AKAP6: variants seen among roughly 807,000 people sequenced by gnomAD.
AKAP6 encodes the protein A-kinase anchor protein 6.
A neutral mutation model predicts 188.5 loss-of-function variants in AKAP6; 58 were observed. The ratio of observed to expected loss-of-function variants is 0.31; its 90% CI spans 0.25 to 0.38. AKAP6 has a LOEUF of 0.38. AKAP6 is among the 10% of genes least tolerant of loss of function. The pLI, the probability that AKAP6 is intolerant of heterozygous loss-of-function variation, is 1.00. For missense variants in AKAP6, 2,710 were observed against 2,740.0 expected (o/e 0.99, Z 0.24); for synonymous variants, 989 against 998.6 (o/e 0.99, Z 0.18).
intron 4 of AKAP6, among the ~76,000 whole-genome samples, chr14:32,569,208 AG>A (rs962320499): frequency 2.6e-5 from 4 of 152,104 alleles, no homozygotes; most frequent in Non-Finnish European, 5.9e-5. Flanking sequence ...TCCCACTGAC[AG>A]TTTTTACCTT....
intron 11 of AKAP6, among the ~76,000 whole-genome samples, chr14:32,746,408 C>A (rs2031912363): frequency 6.6e-6 from 1 of 152,124 alleles, no homozygotes; most frequent in Admixed American, 6.5e-5. Context: ...GGACTTGGAC[C>A]TTCCTTTCAA....
intron 1 of AKAP6, among the ~76,000 whole-genome samples, chr14:32,364,121 T>C (rs1887750536): frequency 1.3e-5 from 2 of 152,034 alleles, no homozygotes; most frequent in African/African-American, 4.8e-5. Flanking sequence ...TGCTTTACAC[T>C]GGGGAGAGGA....
intron 2 of AKAP6, among the ~76,000 whole-genome samples, chr14:32,492,355 T>TATATATATATAGAGAG: frequency 0.021 from 1,743 of 82,498 alleles, 49 homozygotes; most frequent in Non-Finnish European, 0.033. Context: ...TATATATATA[T>TATATATATATAGAGAG]AGAGAGAGAG....
chr14:32,610,394 C>A (rs1886304047), intron 7 of AKAP6, among the ~76,000 whole-genome samples: 1 of 152,128 alleles, frequency 6.6e-6, no homozygotes, highest in African/African-American at 2.4e-5. Context: ...CATGGCTTTT[C>A]TCATTCCCTC....
At chr14:32,566,537 T>C (rs964307083) in intron 4 of AKAP6, among the ~76,000 whole-genome samples, 1 of 152,160 alleles carries the variant, frequency 6.6e-6, no homozygotes, top group East Asian at 1.9e-4. Flanking sequence ...CTGGGTTATG[T>C]GTATGTGAGT....
chr14:32,393,585 G>A (rs1346219956), intron 1 of AKAP6, among the ~76,000 whole-genome samples: 3 of 152,120 alleles, frequency 2.0e-5, no homozygotes, highest in Non-Finnish European at 4.4e-5. Flanking sequence ...TACTGTGGTT[G>A]TATAAGATGT....
At chr14:32,654,835 C>A (rs533283410) in intron 7 of AKAP6, among the ~76,000 whole-genome samples, 1 of 142,466 alleles carries the variant, frequency 7.0e-6, no homozygotes, top group Non-Finnish European at 1.5e-5. Context: ...GGTGACAGGG[C>A]GAGACCCTGT....
chr14:32,708,461 T>G (rs1049731917), intron 9 of AKAP6, among the ~76,000 whole-genome samples: 1 of 151,918 alleles, frequency 6.6e-6, no homozygotes, highest in Non-Finnish European at 1.5e-5. Context: ...GTGACTTATC[T>G]TCCCAAAGCC....
chr14:32,499,719 A>C (rs1241467411), intron 2 of AKAP6, among the ~76,000 whole-genome samples: 1 of 151,732 alleles, frequency 6.6e-6, no homozygotes, highest in East Asian at 1.9e-4. Flanking sequence ...TATGTATTAT[A>C]AAACTAAAAA....
At chr14:32,372,722 G>A (rs17406568) in intron 1 of AKAP6, among the ~76,000 whole-genome samples, 17,260 of 151,450 alleles carry the variant, frequency 0.11, 1,342 homozygotes, top group Non-Finnish European at 0.17. Context: ...CATTACCTTG[G>A]AAGAATGAAT....
intron 2 of AKAP6, among the ~76,000 whole-genome samples, chr14:32,518,687 G>A (rs978169706): frequency 5.3e-5 from 8 of 152,104 alleles, no homozygotes; most frequent in Admixed American, 2.0e-4. Context: ...AAGAAATATG[G>A]GACTATGTGA....
chr14:32,823,272 A>T lies in AKAP6; in HGVS notation c.5459A>T (p.Asn1820Ile). The T allele has an allele frequency of 6.2e-7, 1 of 1,613,840 alleles. No individual in the cohort carries two copies. The highest frequency in any genetic ancestry group is 8.5e-7 in the Non-Finnish European group (1 of 1,179,910). ...TTGACAAGAGATAAGAAAAGGTGCA[A>T]TGTCAGTGATGAGATGAAGGGCAGT... Reference protein sequence around the residue: ...LSLTRDKKRCNVSDEMKGSKD... With the variant: ...LSLTRDKKRCIVSDEMKGSKD... Residue 1820 changes from asparagine (N) to isoleucine (I), a missense_variant, in exon 13 of 14, where the codon AAT becomes ATT. Asn to Ile is a moderately radical substitution (Grantham distance 149). Coordinates refer to ENST00000280979, the MANE Select transcript of AKAP6 (RefSeq NM_004274.5).
At chr14:32,704,258 A>G (rs1361009427) in intron 9 of AKAP6, among the ~76,000 whole-genome samples, 1 of 152,138 alleles carries the variant, frequency 6.6e-6, no homozygotes, top group South Asian at 2.1e-4. Flanking sequence ...AAAATTTTGG[A>G]TTAAGTTGCA....
intron 7 of AKAP6, among the ~76,000 whole-genome samples, chr14:32,624,126 G>A (rs1026893933): frequency 4.6e-5 from 7 of 152,108 alleles, no homozygotes; most frequent in African/African-American, 1.7e-4. Flanking sequence ...TTTAGTATTA[G>A]AAGATATTCA....
intron 2 of AKAP6, among the ~76,000 whole-genome samples, chr14:32,517,097 A>G (rs1019704404): frequency 6.6e-6 from 1 of 152,256 alleles, no homozygotes; most frequent in Non-Finnish European, 1.5e-5. Flanking sequence ...AATGATATCA[A>G]GTAAGACGAC....
intron 1 of AKAP6, among the ~76,000 whole-genome samples, chr14:32,342,007 G>C (rs1323486721): frequency 6.6e-6 from 1 of 152,122 alleles, no homozygotes; most frequent in African/African-American, 2.4e-5. Flanking sequence ...GCAAGTCCCT[G>C]TCTCTGAAAA....
chr14:32,490,903 T>C (rs1232049812), intron 2 of AKAP6, among the ~76,000 whole-genome samples: 1 of 152,200 alleles, frequency 6.6e-6, no homozygotes, highest in Non-Finnish European at 1.5e-5. Context: ...ATAATATAAA[T>C]TGGCAATTTA....
At chr14:32,422,911 A>G (rs1025810907) in intron 1 of AKAP6, among the ~76,000 whole-genome samples, 1 of 152,220 alleles carries the variant, frequency 6.6e-6, no homozygotes, top group African/African-American at 2.4e-5. Flanking sequence ...ATTCTGAAGT[A>G]AAAATCAGGT....
chr14:32,789,383 G>A (rs772021514), intron 12 of AKAP6, among the ~76,000 whole-genome samples: 1 of 152,234 alleles, frequency 6.6e-6, no homozygotes, highest in Non-Finnish European at 1.5e-5. Context: ...CAGCCAGACT[G>A]CTTCTTTAAG....
Sources: allele counts gnomAD v4.1 joint callset (sites outside exome capture counted in the v4.1 genomes callset), GRCh38; gene constraint gnomAD v4.1.1; transcripts MANE v1.5; gene names NCBI Gene and HGNC (gene_info 2026-07-23, HGNC 2026-07-21).